PPP1R13B: variants seen among roughly 807,000 people sequenced by gnomAD.
PPP1R13B encodes the protein protein phosphatase 1 regulatory subunit 13B.
Under a neutral mutation model 119.8 loss-of-function variants are expected in PPP1R13B, and 44 were observed. That is an observed-to-expected ratio of 0.37 (90% CI 0.29 to 0.47). The LOEUF is 0.47. Among genes scored for constraint, PPP1R13B ranks in the 20% least tolerant of loss-of-function variants. The pLI is 0.99. For synonymous variants in PPP1R13B, 542 were observed against 561.5 expected, an observed-to-expected ratio of 0.97 and a Z score of 0.49; for missense variants, 1,227 against 1,413.5, an observed-to-expected ratio of 0.87 and a Z score of 2.12.
In PPP1R13B at chr14:103,847,084, C is replaced by A; in HGVS notation, c.9+215G>T. The A allele has an allele frequency of 4.0e-6, 4 of 994,180 alleles. No individual in the cohort carries two copies. The South Asian group carries it at 1.7e-4, about 42-fold the overall frequency. 61.6% of individuals were successfully genotyped at this position (994,180 alleles called of 1,614,324 possible). A position where few individuals can be genotyped will look rare whatever the true frequency, so the allele number is the denominator to read the frequency against. ...GGCCGCGGAGGCCGAGCAGGAAGGG[C>A]CCGCAGGCGGCCCCGGCCCCGCGCT... On this transcript the variant is annotated intron_variant, in intron 1 of 16. Coordinates refer to ENST00000202556, the MANE Select transcript of PPP1R13B (RefSeq NM_015316.3).
chr14:103,767,329 TA>T (rs1567107948), intron 4 of PPP1R13B, among the ~76,000 whole-genome samples: 1 of 151,820 alleles, frequency 6.6e-6, no homozygotes, highest in African/African-American at 2.4e-5. Context: ...AATAAATAAA[TA>T]AGAACTGAAA....
intron 1 of PPP1R13B, among the ~76,000 whole-genome samples, chr14:103,802,503 T>TACCC (rs1443087494): frequency 6.6e-6 from 1 of 152,210 alleles, no homozygotes; most frequent in African/African-American, 2.4e-5. Flanking sequence ...CCTTGTTCCT[T>TACCC]ACCCTTCTAC....
intron 3 of PPP1R13B, 69 bp from the exon 4 acceptor site, chr14:103,778,890 C>T: frequency 8.4e-7 from 1 of 1,193,176 alleles, no homozygotes. Flanking sequence ...CCCATTTCTT[C>T]ATGTATTCAA....
intron 11 of PPP1R13B, 65 bp downstream of exon 11, chr14:103,741,725 G>C (rs1330865494): frequency 3.3e-6 from 5 of 1,511,736 alleles, no homozygotes; most frequent in Middle Eastern, 2.0e-4. Context: ...AAATACATTA[G>C]TATTTTCTTA....
chr14:103,808,875 T>C (rs893398713), intron 1 of PPP1R13B, among the ~76,000 whole-genome samples: 1 of 152,060 alleles, frequency 6.6e-6, no homozygotes, highest in Non-Finnish European at 1.5e-5. Flanking sequence ...TTTTTAATGT[T>C]TCTTTTTTTT....
chr14:103,751,152 AAAAC>A (rs1331577425), intron 7 of PPP1R13B, among the ~76,000 whole-genome samples: 3 of 152,262 alleles, frequency 2.0e-5, no homozygotes, highest in East Asian at 1.9e-4. Context: ...AAAAAAAAGA[AAAAC>A]AAAACAACAA....
intron 1 of PPP1R13B, among the ~76,000 whole-genome samples, chr14:103,797,782 T>C (rs1049762111): frequency 4.0e-5 from 6 of 151,640 alleles, no homozygotes; most frequent in South Asian, 4.2e-4. Context: ...CAGCAGTAGA[T>C]ATATATATAG....
intron 1 of PPP1R13B, among the ~76,000 whole-genome samples, chr14:103,825,179 G>T (rs1372009497): frequency 1.3e-5 from 2 of 152,098 alleles, no homozygotes; most frequent in African/African-American, 2.4e-5. Context: ...AACTTAACTG[G>T]TAAGTGTTGT....
At chr14:103,749,232 T>C (rs1029885152) in intron 8 of PPP1R13B, among the ~76,000 whole-genome samples, 3 of 152,200 alleles carry the variant, frequency 2.0e-5, no homozygotes, top group Non-Finnish European at 4.4e-5. Flanking sequence ...AGTATTTTAT[T>C]GTATTACTTT....
At chr14:103,785,673 A>T (rs1032047230) in intron 2 of PPP1R13B, among the ~76,000 whole-genome samples, 3 of 151,596 alleles carry the variant, frequency 2.0e-5, no homozygotes, top group Non-Finnish European at 4.4e-5. Context: ...CACCATGACC[A>T]GCTAATTTTT....
intron 2 of PPP1R13B, among the ~76,000 whole-genome samples, chr14:103,785,543 G>A (rs2085442181): frequency 8.3e-6 from 1 of 120,856 alleles, no homozygotes; most frequent in South Asian, 2.6e-4. Flanking sequence ...TTTTGAGACA[G>A]AGTTTTGCTC....
chr14:103,734,358 C>T lies in PPP1R13B; in HGVS notation c.*796G>A, dbSNP rs943158714. 9 of 380,784 alleles carry T rather than the reference C, an allele frequency of 2.4e-5. No homozygotes were observed. Among genetic ancestry groups the T allele is most frequent in the South Asian group, 1.1e-4 (6 of 53,014 alleles). The allele number at this position is 380,784 out of a possible 1,614,324, so 23.6% of individuals were successfully genotyped here. A position where few individuals can be genotyped will look rare whatever the true frequency, so the allele number is the denominator to read the frequency against. ...CCCAACCACCCTCCGCTGCCACGGC[C>T]TCCAGCACCTGACTCCATTCAGGGA... On this transcript the variant is annotated 3_prime_UTR_variant, in exon 17 of 17. Transcript: ENST00000202556.
rs560000097 is a variant in PPP1R13B at position 103,772,915 on chromosome 14, C to A, written c.354+5830G>T. Among the ~76,000 whole-genome samples, 156 of 152,202 alleles carry A rather than the reference C, an allele frequency of 1.0e-3. 1 individual carries two copies. The highest frequency in any genetic ancestry group is 1.9e-3 in the Non-Finnish European group (132 of 68,038). ...CTCCTGACTTCAAGTGATCCACCCGCCTCAGCCTCCCAAAGTGCTGGGATT... is the reference window on the plus strand; with the variant it reads ...CTCCTGACTTCAAGTGATCCACCCGACTCAGCCTCCCAAAGTGCTGGGATT... On this transcript the variant is annotated intron_variant, in intron 4 of 16. Transcript: ENST00000202556.
chr14:103,834,492 C>T (rs12880167), intron 1 of PPP1R13B, among the ~76,000 whole-genome samples: 67,598 of 151,440 alleles, frequency 0.45, 15,562 homozygotes, highest in African/African-American at 0.56. Context: ...AGCTGACTGA[C>T]AGGACACTGC....
At chr14:103,821,819 T>A (rs774504925) in intron 1 of PPP1R13B, among the ~76,000 whole-genome samples, 4 of 151,998 alleles carry the variant, frequency 2.6e-5, no homozygotes, top group Admixed American at 6.5e-5. Context: ...ATCTATAATA[T>A]GATTTGAAAA....
At chr14:103,741,007 T>C (rs1019301091) in intron 11 of PPP1R13B, among the ~76,000 whole-genome samples, 1 of 152,224 alleles carries the variant, frequency 6.6e-6, no homozygotes, top group Non-Finnish European at 1.5e-5. Context: ...AGGTTTTACC[T>C]GGAGGTCCAG....
At chr14:103,795,434 T>C (rs1212522469) in intron 2 of PPP1R13B, among the ~76,000 whole-genome samples, 1 of 152,096 alleles carries the variant, frequency 6.6e-6, no homozygotes, top group Non-Finnish European at 1.5e-5. Flanking sequence ...TCCAGGGTGG[T>C]AGTCCTCATC....
intron 1 of PPP1R13B, among the ~76,000 whole-genome samples, chr14:103,808,239 C>CAA (rs59331307): frequency 1.0e-4 from 13 of 124,916 alleles, no homozygotes; most frequent in African/African-American, 2.8e-4. Flanking sequence ...GACTCTATCT[C>CAA]AAAAAAAAAA....
chr14:103,847,010 G>T, intron 1 of PPP1R13B: 1 of 1,169,788 alleles, frequency 8.5e-7, no homozygotes, highest in South Asian at 1.6e-5. Context: ...CCGCGCACCT[G>T]AGAGGACCGA....
Sources: allele counts gnomAD v4.1 joint callset (sites outside exome capture counted in the v4.1 genomes callset), GRCh38; gene constraint gnomAD v4.1.1; transcripts MANE v1.5; gene names NCBI Gene and HGNC (gene_info 2026-07-23, HGNC 2026-07-21).